Variants in DGKB observed in about 807,000 individuals in gnomAD.
The protein encoded by DGKB is diacylglycerol kinase beta.
In DGKB, 67 loss-of-function variants were observed where a neutral mutation model predicts 114.3. That is an observed-to-expected ratio of 0.59 (90% CI 0.48 to 0.72). The LOEUF (loss-of-function observed/expected upper bound fraction) is 0.72, where lower values mean the gene tolerates loss of function less well. Ranked by LOEUF, DGKB falls within the 30% of genes least tolerant of loss-of-function variation. The probability of loss-of-function intolerance (pLI) is 0.00; values close to 1 mark genes in which losing one functional copy is unlikely to be tolerated. For synonymous variants in DGKB, 398 were observed against 323.1 expected (o/e 1.23, Z -2.49); for missense variants, 907 against 975.2 (o/e 0.93, Z 0.93).
Position 14,776,350 on chromosome 7 carries a change from T to C in DGKB, c.71-18619A>G, listed in dbSNP as rs560947507. On this transcript the variant is annotated intron_variant, in intron 2 of 25. Coordinates refer to ENST00000402815, the MANE Select transcript of DGKB (RefSeq NM_001350709.2). ...TAAGTAACAAGGAGCTGAATGTTAA[T>C]CACCAAGACAATGGGGAAAATGACT... 8.0e-4 allele frequency among the ~76,000 whole-genome samples: 122 copies of C among 152,324 alleles called. No individual in the cohort carries two copies. The South Asian group carries it at 0.014, about 18-fold the overall frequency.
chr7:14,636,692 T>G (rs1810819875), intron 13 of DGKB, among the ~76,000 whole-genome samples: 1 of 151,874 alleles, frequency 6.6e-6, no homozygotes, highest in African/African-American at 2.4e-5. Flanking sequence ...AGAATCTACC[T>G]GGCGGGCAAA....
intron 23 of DGKB, among the ~76,000 whole-genome samples, chr7:14,325,080 A>C (rs936321886): frequency 1.3e-5 from 2 of 152,156 alleles, no homozygotes; most frequent in African/African-American, 4.8e-5. Context: ...TTTTCACCCC[A>C]GCAGGCAGCA....
At chr7:14,449,610 G>A (rs897696059) in intron 21 of DGKB, among the ~76,000 whole-genome samples, 3 of 151,948 alleles carry the variant, frequency 2.0e-5, no homozygotes, top group Non-Finnish European at 4.4e-5. Context: ...ACTTTCAATT[G>A]CCTATAATAT....
At chr7:14,534,993 A>C (rs1792193091) in intron 20 of DGKB, among the ~76,000 whole-genome samples, 1 of 152,176 alleles carries the variant, frequency 6.6e-6, no homozygotes, top group African/African-American at 2.4e-5. Flanking sequence ...ATGAGACAAA[A>C]ATGAAAACAA....
intron 23 of DGKB, among the ~76,000 whole-genome samples, chr7:14,178,423 A>G (rs189777191): frequency 0.025 from 3,849 of 151,656 alleles, 148 homozygotes; most frequent in African/African-American, 0.089. Context: ...AAAAAAAAAA[A>G]AAAAACCCAG....
chr7:14,613,533 A>ATG (rs1283330779), intron 15 of DGKB, 120 bp from the exon 16 acceptor site: 46 of 628,854 alleles, frequency 7.3e-5, no homozygotes, highest in South Asian at 1.4e-4. Context: ...ACTTTCCACA[A>ATG]TGTGTGTGTG....
intron 23 of DGKB, among the ~76,000 whole-genome samples, chr7:14,327,703 C>G (rs575753738): frequency 3.9e-5 from 6 of 152,208 alleles, no homozygotes; most frequent in African/African-American, 1.4e-4. Context: ...TCCCACTAGA[C>G]TCACTAGACA....
At chr7:14,373,520 G>A (rs1818006922) in intron 21 of DGKB, among the ~76,000 whole-genome samples, 1 of 152,124 alleles carries the variant, frequency 6.6e-6, no homozygotes, top group Non-Finnish European at 1.5e-5. Context: ...TAATTAAAAT[G>A]CTAGTCTCAT....
intron 1 of DGKB, among the ~76,000 whole-genome samples, chr7:14,966,229 AG>A (rs1434794206): frequency 6.6e-6 from 1 of 152,040 alleles, no homozygotes; most frequent in Non-Finnish European, 1.5e-5. Flanking sequence ...TTGTCCCCCT[AG>A]TTAGACATAT....
At chr7:14,810,394 G>A (rs1049164803) in intron 2 of DGKB, among the ~76,000 whole-genome samples, 1 of 152,138 alleles carries the variant, frequency 6.6e-6, no homozygotes, top group Non-Finnish European at 1.5e-5. Flanking sequence ...TTATGGGATA[G>A]CTCTCTGACA....
chr7:14,826,614 A>C (rs1845737986), intron 2 of DGKB, among the ~76,000 whole-genome samples: 1 of 152,168 alleles, frequency 6.6e-6, no homozygotes, highest in Non-Finnish European at 1.5e-5. Context: ...TGGATTCTGG[A>C]AACAGTCCAT....
chr7:14,787,505 C>A (rs540496395), intron 2 of DGKB, among the ~76,000 whole-genome samples: 1 of 152,260 alleles, frequency 6.6e-6, no homozygotes, highest in Admixed American at 6.5e-5. Flanking sequence ...CCTTGAAGGA[C>A]ACATGCATTG....
intron 20 of DGKB, among the ~76,000 whole-genome samples, chr7:14,526,010 C>G (rs1790581801): frequency 6.6e-6 from 1 of 151,988 alleles, no homozygotes; most frequent in Non-Finnish European, 1.5e-5. Flanking sequence ...AAACTAATTT[C>G]TATATTATAT....
chr7:14,333,950 G>A (rs188407282), intron 23 of DGKB, among the ~76,000 whole-genome samples: 6 of 152,214 alleles, frequency 3.9e-5, no homozygotes, highest in Non-Finnish European at 8.8e-5. Context: ...CTGCTTACAC[G>A]CAGTTGTGAG....
intron 1 of DGKB, among the ~76,000 whole-genome samples, chr7:14,939,029 C>T (rs1785417661): frequency 6.6e-6 from 1 of 152,068 alleles, no homozygotes; most frequent in Non-Finnish European, 1.5e-5. Context: ...ACACACATTG[C>T]TGTCCTATAA....
intron 23 of DGKB, among the ~76,000 whole-genome samples, chr7:14,296,907 A>G (rs1239908136): frequency 1.3e-5 from 2 of 152,118 alleles, no homozygotes; most frequent in African/African-American, 2.4e-5. Flanking sequence ...ACAAACTACC[A>G]TCGGAAAATA....
In DGKB at chr7:14,494,588, C is replaced by T. The variant is rs1584376776; in HGVS notation, c.1771-16363G>A. 1.3e-5 allele frequency among the ~76,000 whole-genome samples: 2 copies of T among 151,980 alleles called. 1 individual carries two copies. Among genetic ancestry groups the T allele is most frequent in the East Asian group, 3.9e-4 (2 of 5,172 alleles). On this transcript the variant is annotated intron_variant, in intron 20 of 25. Transcript: ENST00000402815. ...GGCATTCACTTATTAAGAATGATAA[C>T]CACCTTAAATTAGTCTCACAAACAA...
At chr7:14,455,836 A>G (rs928963840) in intron 21 of DGKB, among the ~76,000 whole-genome samples, 4 of 152,076 alleles carry the variant, frequency 2.6e-5, no homozygotes, top group Non-Finnish European at 4.4e-5. Context: ...ATTGGGTTTA[A>G]GAACTTTAAG....
chr7:14,819,612 A>T (rs1844631842), intron 2 of DGKB, among the ~76,000 whole-genome samples: 1 of 152,086 alleles, frequency 6.6e-6, no homozygotes, highest in Non-Finnish European at 1.5e-5. Context: ...ATAAAATAAT[A>T]ATAATAATTG....
Sources: allele counts gnomAD v4.1 joint callset (sites outside exome capture counted in the v4.1 genomes callset), GRCh38; gene constraint gnomAD v4.1.1; transcripts MANE v1.5; gene names NCBI Gene and HGNC (gene_info 2026-07-23, HGNC 2026-07-21).